IKBKB-DT: variants seen among roughly 807,000 people sequenced by gnomAD.
IKBKB-DT encodes the protein IKBKB antisense RNA.
intron 3 of IKBKB-DT, among the ~76,000 whole-genome samples, chr8:42,247,663 T>C (rs1454837194): frequency 6.6e-6 from 1 of 152,128 alleles, no homozygotes; most frequent in Non-Finnish European, 1.5e-5. Context: ...GGGAGAGACC[T>C]GGTGGGAGGT....
At chr8:42,256,899 A>G (rs1276101553) in intron 3 of IKBKB-DT, among the ~76,000 whole-genome samples, 1 of 152,194 alleles carries the variant, frequency 6.6e-6, no homozygotes, top group Non-Finnish European at 1.5e-5. Flanking sequence ...AGTTGTTTGC[A>G]AAAGCTTTTA....
At chr8:42,246,786 AC>A (rs1563275636) in intron 3 of IKBKB-DT, among the ~76,000 whole-genome samples, 1 of 152,160 alleles carries the variant, frequency 6.6e-6, no homozygotes, top group Non-Finnish European at 1.5e-5. Flanking sequence ...CAGTCCCTAA[AC>A]TTTTCGGCAC....
rs117417844 is a variant in IKBKB-DT, at chr8:42,239,362, G to A, written n.1530-5503C>T. ...CTTTAGCCGCCCTCTGGGCCACTGC[G>A]TCTGCCATTCCTCAGGTGGCCTGGC... On this transcript the variant is annotated intron_variant and non_coding_transcript_variant, in intron 3 of 3. Coordinates refer to ENST00000518213, the Ensembl canonical transcript of IKBKB-DT. Among the ~76,000 whole-genome samples, 170 of 151,576 alleles carry A rather than the reference G, an allele frequency of 1.1e-3. 2 individuals carry two copies. The East Asian group carries it at 0.016, about 14-fold the overall frequency.
At chr8:42,240,297 T>C (rs1467392019) in intron 3 of IKBKB-DT, among the ~76,000 whole-genome samples, 1 of 151,824 alleles carries the variant, frequency 6.6e-6, no homozygotes, top group African/African-American at 2.4e-5. Context: ...GAAGTGTTAA[T>C]TCTAAGCCTG....
chr8:42,245,948 T>C (rs1253167091), intron 3 of IKBKB-DT, among the ~76,000 whole-genome samples: 1 of 152,230 alleles, frequency 6.6e-6, no homozygotes, highest in Non-Finnish European at 1.5e-5. Context: ...GGGAAGTGGT[T>C]AATTAAGAAG....
intron 3 of IKBKB-DT, among the ~76,000 whole-genome samples, chr8:42,247,652 AGG>A (rs140346209): frequency 0.026 from 3,915 of 152,256 alleles, 78 homozygotes; most frequent in Non-Finnish European, 0.041. Flanking sequence ...TCAGGTGTTG[AGG>A]GAGAGACCTG....
chr8:42,250,056 T>A (rs950054663), intron 3 of IKBKB-DT, among the ~76,000 whole-genome samples: 4 of 152,188 alleles, frequency 2.6e-5, no homozygotes, highest in African/African-American at 9.7e-5. Flanking sequence ...GCTGGCCGAA[T>A]GAAAAACTAG....
At chr8:42,263,635 G>A (rs1237990836) in intron 2 of IKBKB-DT, among the ~76,000 whole-genome samples, 5 of 152,132 alleles carry the variant, frequency 3.3e-5, no homozygotes, top group Admixed American at 6.5e-5. Flanking sequence ...AAACAAGAAC[G>A]GTGTTGGGGT....
At chr8:42,264,032 G>A (rs972727274) in intron 2 of IKBKB-DT, among the ~76,000 whole-genome samples, 6 of 151,348 alleles carry the variant, frequency 4.0e-5, no homozygotes, top group Admixed American at 1.3e-4. Context: ...GGCTGGTTTC[G>A]AACTCCTGAC....
At chr8:42,237,090 TTTG>T (rs1554502434) in intron 3 of IKBKB-DT, among the ~76,000 whole-genome samples, 2 of 138,284 alleles carry the variant, frequency 1.4e-5, no homozygotes, top group Admixed American at 6.8e-5. Flanking sequence ...GTTTTTTTTT[TTTG>T]TTTGTTTGTT....
intron 3 of IKBKB-DT, among the ~76,000 whole-genome samples, chr8:42,254,846 G>C (rs371891642): frequency 4.9e-5 from 7 of 142,922 alleles, no homozygotes; most frequent in African/African-American, 1.8e-4. Flanking sequence ...CTGCCCGGCC[G>C]CCCCACAGTC....
At chr8:42,267,072 C>T (rs112681621) in intron 1 of IKBKB-DT, among the ~76,000 whole-genome samples, 1 of 148,230 alleles carries the variant, frequency 6.7e-6, no homozygotes, top group African/African-American at 2.5e-5. Context: ...GCGATCTTGG[C>T]TCACTGCAAG....
At chr8:42,260,148 A>G (rs1037752694) in intron 3 of IKBKB-DT, among the ~76,000 whole-genome samples, 18 of 152,114 alleles carry the variant, frequency 1.2e-4, no homozygotes, top group African/African-American at 4.1e-4. Flanking sequence ...AAAGTCCCAT[A>G]TTATCCTCAG....
chr8:42,254,169 G>T (rs1807164145), intron 3 of IKBKB-DT, among the ~76,000 whole-genome samples: 1 of 152,190 alleles, frequency 6.6e-6, no homozygotes, highest in African/African-American at 2.4e-5. Context: ...TAATCAGACG[G>T]GGAGGAAAGT....
At chr8:42,246,364 A>G (rs1257283192) in intron 3 of IKBKB-DT, among the ~76,000 whole-genome samples, 1 of 152,210 alleles carries the variant, frequency 6.6e-6, no homozygotes, top group Non-Finnish European at 1.5e-5. Context: ...AAGTAAAAAA[A>G]AATTGCAGAA....
At chr8:42,255,593 T>G (rs1807188616) in intron 3 of IKBKB-DT, 1 of 152,200 alleles carries the variant, frequency 6.6e-6, no homozygotes, top group African/African-American at 2.4e-5. Flanking sequence ...CAACCTTAGT[T>G]CCTTAAAACT....
intron 3 of IKBKB-DT, among the ~76,000 whole-genome samples, chr8:42,234,408 TGA>T (rs1218148063): frequency 1.3e-5 from 2 of 152,242 alleles, no homozygotes; most frequent in African/African-American, 4.8e-5. Flanking sequence ...AAAGATTTTA[TGA>T]GAGTTCATTA....
At chr8:42,246,345 T>C (rs927641651) in intron 3 of IKBKB-DT, among the ~76,000 whole-genome samples, 1 of 151,958 alleles carries the variant, frequency 6.6e-6, no homozygotes, top group African/African-American at 2.4e-5. Flanking sequence ...AGTTTCAAGA[T>C]ATAGTACTAA....
At chr8:42,239,532 C>A (rs930878615) in intron 3 of IKBKB-DT, among the ~76,000 whole-genome samples, 2 of 147,280 alleles carry the variant, frequency 1.4e-5, no homozygotes, top group Admixed American at 6.9e-5. Context: ...TGAGGCCCAA[C>A]AACAGTGTAT....
Sources: allele counts gnomAD v4.1 joint callset (sites outside exome capture counted in the v4.1 genomes callset), GRCh38; gene constraint gnomAD v4.1.1; transcripts MANE v1.5; gene names NCBI Gene and HGNC (gene_info 2026-07-23, HGNC 2026-07-21).